NUP214: variants seen among roughly 807,000 people sequenced by gnomAD.
The protein encoded by NUP214 is nuclear pore complex protein Nup214.
NUP214 carries 79 observed loss-of-function variants against 196.2 expected under a neutral mutation model. That is an observed-to-expected ratio of 0.40 (90% CI 0.34 to 0.49). The LOEUF (loss-of-function observed/expected upper bound fraction) is 0.49, where lower values mean the gene tolerates loss of function less well. NUP214 is among the 20% of genes least tolerant of loss of function. NUP214 has a pLI of 0.58. For missense variants in NUP214, 2,468 were observed against 2,539.0 expected (o/e 0.97, Z 0.60); for synonymous variants, 1,020 against 990.5 (o/e 1.03, Z -0.56).
Position 131,198,431 on chromosome 9 carries a change from C to G in NUP214, c.4937C>G (p.Ala1646Gly), listed in dbSNP as rs1297984241. 6.2e-7 allele frequency: 1 copy of G among 1,614,138 alleles called. No homozygotes were observed. The highest frequency in any genetic ancestry group is 8.5e-7 in the Non-Finnish European group (1 of 1,180,052). The change falls in exon 29 of 36, where the codon GCT becomes GGT. Residue 1646 changes from alanine (A) to glycine (G), a missense_variant. Around this residue, in one of 5 missense-constraint regions of NUP214, gnomAD observed 1,801 missense variants for 1,779.4 expected, o/e 1.01. Coordinates refer to ENST00000359428, the MANE Select transcript of NUP214 (RefSeq NM_005085.4). ...GTCACTTCTGGCTCATCCGTCTTTG[C>G]TCAGCCTCCTGCTGCCAGTTCTAGC... ...GTVTSGSSVF[A>G]QPPAASSSSA...
At chr9:131,213,860 CTTG>C (rs1834318669) in intron 30 of NUP214, among the ~76,000 whole-genome samples, 1 of 151,820 alleles carries the variant, frequency 6.6e-6, no homozygotes, top group Non-Finnish European at 1.5e-5. Context: ...CAGAAATTAG[CTTG>C]TTGTATTTGA....
At chr9:131,193,162 C>G (rs1833661002) in intron 27 of NUP214, among the ~76,000 whole-genome samples, 1 of 152,030 alleles carries the variant, frequency 6.6e-6, no homozygotes, top group Admixed American at 6.6e-5. Context: ...TATACCTTAT[C>G]TCAAGATGAG....
chr9:131,192,361 A>G, intron 27 of NUP214, 69 bp downstream of exon 27: 1 of 933,580 alleles, frequency 1.1e-6, no homozygotes. Flanking sequence ...ACAATTATAG[A>G]TATATTTATT....
chr9:131,126,609 A>G (rs894319426), intron 1 of NUP214: 2 of 149,252 alleles, frequency 1.3e-5, no homozygotes, highest in African/African-American at 2.5e-5. Context: ...GTGCAGTGGC[A>G]TGATCTCGGC....
At chr9:131,128,612 A>G in intron 3 of NUP214, 129 bp downstream of exon 3, 1 of 726,976 alleles carries the variant, frequency 1.4e-6, no homozygotes, top group Admixed American at 3.3e-5. Context: ...TGGGTTAAAA[A>G]AAAATCCTTA....
chr9:131,206,191 G>T (rs1255407040), intron 30 of NUP214, among the ~76,000 whole-genome samples: 6 of 93,936 alleles, frequency 6.4e-5, no homozygotes, highest in African/African-American at 2.4e-4. Flanking sequence ...TGTCGTCAAG[G>T]CTGGAGTGCA....
At chr9:131,199,779 C>T (rs1833893507) in intron 29 of NUP214, among the ~76,000 whole-genome samples, 1 of 152,160 alleles carries the variant, frequency 6.6e-6, no homozygotes, top group Non-Finnish European at 1.5e-5. Context: ...TCAATGATTT[C>T]ATGGTGGGCA....
intron 22 of NUP214, 98 bp from the exon 23 acceptor site, chr9:131,175,362 A>AT: frequency 7.3e-7 from 1 of 1,378,176 alleles, no homozygotes; most frequent in Non-Finnish European, 1.0e-6. Context: ...TAATTTTAGC[A>AT]TTTTCCCTGC....
At chr9:131,228,368 G>A (rs372449438) in intron 33 of NUP214, 37 bp downstream of exon 33, 214 of 1,555,478 alleles carry the variant, frequency 1.4e-4, no homozygotes, top group Admixed American at 6.9e-4. Flanking sequence ...GAACCCACAC[G>A]CCAGCCAAAA....
At chr9:131,145,673 G>A (rs1030960175) in intron 12 of NUP214, among the ~76,000 whole-genome samples, 4 of 152,130 alleles carry the variant, frequency 2.6e-5, no homozygotes, top group Non-Finnish European at 5.9e-5. Flanking sequence ...TAGGCCATAA[G>A]TATCCCAAAG....
intron 14 of NUP214, among the ~76,000 whole-genome samples, chr9:131,149,375 C>G (rs1380021343): frequency 6.6e-6 from 1 of 151,218 alleles, no homozygotes; most frequent in Non-Finnish European, 1.5e-5. Context: ...TTTCTGTCTC[C>G]CCTAGAGGCT....
Position 131,233,795 on chromosome 9 carries a change from C to T in NUP214, c.*308C>T, listed in dbSNP as rs1834942292. ...CCAGCAGAGCCTCCATCAGCCAGAA[C>T]ACTGTGTCTTCAAGGATGGCATCAG... On this transcript the variant is annotated 3_prime_UTR_variant, in exon 36 of 36. Coordinates refer to ENST00000359428, the MANE Select transcript of NUP214 (RefSeq NM_005085.4). 1 of 450,900 alleles carries T rather than the reference C, an allele frequency of 2.2e-6. No homozygotes were observed. Among genetic ancestry groups the T allele is most frequent in the Non-Finnish European group, 4.2e-6 (1 of 240,938 alleles). The allele number at this position is 450,900 out of a possible 1,614,324, so 27.9% of individuals were successfully genotyped here.
Position 131,198,692 on chromosome 9 carries a change from G to C in NUP214, c.5198G>C (p.Gly1733Ala). Residue 1733 changes from glycine (G) to alanine (A), a missense_variant, in exon 29 of 36, where the codon GGG (glycine) becomes GCG (alanine). Physicochemically the swap from Gly to Ala is moderately conservative, Grantham distance 60. Coordinates refer to ENST00000359428, the MANE Select transcript of NUP214 (RefSeq NM_005085.4). Reference sequence around the variant, plus strand: ...ACCTTCGGGCAGGCCTCAGTCTTTGGGCAGTCGGCGAGCAGTGCTGCAAGT... The same window carrying C: ...ACCTTCGGGCAGGCCTCAGTCTTTGCGCAGTCGGCGAGCAGTGCTGCAAGT... The part of the protein sequence containing the change: ...QTTFGQASVF[G>A]QSASSAASVF... The C allele has an allele frequency of 6.2e-7, 1 of 1,614,212 alleles. No individual in the cohort carries two copies. The highest frequency in any genetic ancestry group is 8.5e-7 in the Non-Finnish European group (1 of 1,180,026).
At chr9:131,189,329 G>A (rs962400506) in intron 26 of NUP214, among the ~76,000 whole-genome samples, 198 bp downstream of exon 26, 10 of 152,166 alleles carry the variant, frequency 6.6e-5, no homozygotes, top group African/African-American at 1.9e-4. Flanking sequence ...TAGAAAATTA[G>A]TATGCCCTTC....
At chr9:131,223,732 T>TTTATTTTA (rs1564219779) in intron 32 of NUP214, among the ~76,000 whole-genome samples, 2 of 30,060 alleles carry the variant, frequency 6.7e-5, no homozygotes, top group Non-Finnish European at 1.6e-4. Context: ...TATTTATTTT[T>TTTATTTTA]TTTTTTTTTT....
At chr9:131,233,301 A>G (rs938481208) in intron 35 of NUP214, among the ~76,000 whole-genome samples, 153 bp from the exon 36 acceptor site, 5 of 152,198 alleles carry the variant, frequency 3.3e-5, no homozygotes, top group Admixed American at 2.6e-4. Flanking sequence ...ACGCCACTGC[A>G]CTCCAGCCTG....
At chr9:131,135,353 A>G (rs1831691355) in intron 8 of NUP214, 1 of 221,274 alleles carries the variant, frequency 4.5e-6, no homozygotes, top group Non-Finnish European at 8.8e-6. Flanking sequence ...TACAGGTGTG[A>G]GCTACCGCAC....
chr9:131,129,515 A>C, intron 4 of NUP214, 38 bp downstream of exon 4: 2 of 1,573,970 alleles, frequency 1.3e-6, no homozygotes, highest in Non-Finnish European at 1.7e-6. Flanking sequence ...GCATACAATC[A>C]TGGTCATCTA....
intron 27 of NUP214, among the ~76,000 whole-genome samples, chr9:131,192,941 CAAAAAAAAAA>C (rs34653431): frequency 1.2e-3 from 38 of 31,056 alleles, no homozygotes; most frequent in African/African-American, 1.8e-3. Context: ...ACCCCGTCTC[CAAAAAAAAAA>C]AAAAAAAAAA....
Sources: allele counts gnomAD v4.1 joint callset (sites outside exome capture counted in the v4.1 genomes callset), GRCh38; gene constraint gnomAD v4.1.1; regional missense constraint gnomAD v4.1.1; transcripts MANE v1.5; gene names NCBI Gene and HGNC (gene_info 2026-07-23, HGNC 2026-07-21).